Variants in CEP126 observed in about 807,000 individuals in gnomAD.
The protein encoded by CEP126 is centrosomal protein 126.
In CEP126, 74 loss-of-function variants were observed where a neutral mutation model predicts 107.8. The ratio of observed to expected loss-of-function variants is 0.69; its 90% CI spans 0.57 to 0.83. The LOEUF is 0.83. Ranked by LOEUF, CEP126 falls within the 40% of genes least tolerant of loss-of-function variation. CEP126 has a pLI of 0.00. For synonymous variants in CEP126, 449 were observed against 446.0 expected, an observed-to-expected ratio of 1.01 and a Z score of -0.08; for missense variants, 1,237 against 1,281.9, an observed-to-expected ratio of 0.96 and a Z score of 0.53.
intron 2 of CEP126, among the ~76,000 whole-genome samples, chr11:101,942,597 A>C (rs1347745349): frequency 1.4e-5 from 2 of 147,748 alleles, no homozygotes; most frequent in Non-Finnish European, 1.5e-5. Flanking sequence ...TTGGCTATTC[A>C]GGGTTCCTTG....
intron 8 of CEP126, among the ~76,000 whole-genome samples, chr11:101,985,038 T>C (rs1195256186): frequency 6.6e-6 from 1 of 152,228 alleles, no homozygotes; most frequent in African/African-American, 2.4e-5. Context: ...TTTTTTACTG[T>C]TAAGTACTTA....
At chr11:101,993,028 T>TA (rs935775089) in intron 10 of CEP126, 186 bp downstream of exon 10, 3 of 325,220 alleles carry the variant, frequency 9.2e-6, no homozygotes, top group Non-Finnish European at 1.3e-5. Context: ...TCCTGTCATT[T>TA]AAAAAAATCC....
In CEP126 at chr11:102,000,684, T is replaced by G. The variant is rs1941497680; in HGVS notation, c.*3041T>G. On this transcript the variant is annotated 3_prime_UTR_variant, in exon 11 of 11. Coordinates refer to ENST00000263468, the MANE Select transcript of CEP126 (RefSeq NM_020802.4). Reference sequence around the variant, plus strand: ...TCCAACCTGAGTGACAGAGCAACACTCTGTCTTAAAAGAAAAAAAAAAAAG... The same window carrying G: ...TCCAACCTGAGTGACAGAGCAACACGCTGTCTTAAAAGAAAAAAAAAAAAG... 1 of 151,138 alleles carries G rather than the reference T, an allele frequency of 6.6e-6. No individual in the cohort carries two copies. Among genetic ancestry groups the G allele is most frequent in the Non-Finnish European group, 1.5e-5 (1 of 67,934 alleles). The allele number at this position is 151,138 out of a possible 1,614,324, so 9.4% of individuals were successfully genotyped here.
intron 2 of CEP126, among the ~76,000 whole-genome samples, chr11:101,941,623 GTC>G (rs1368763619): frequency 6.6e-6 from 1 of 151,986 alleles, no homozygotes; most frequent in East Asian, 1.9e-4. Context: ...AAATATCTGA[GTC>G]TCTGTTTTCA....
At chr11:101,915,437 C>A (rs1296616256) in intron 1 of CEP126, 25 bp downstream of exon 1, 1 of 1,593,916 alleles carries the variant, frequency 6.3e-7, no homozygotes, top group Non-Finnish European at 8.6e-7. Flanking sequence ...CTGTGGCTGC[C>A]AGGGTAGCGA....
chr11:101,925,815 C>T (rs1158501209), intron 2 of CEP126, among the ~76,000 whole-genome samples: 6 of 141,366 alleles, frequency 4.2e-5, no homozygotes, highest in African/African-American at 1.1e-4. Context: ...TCACCATGCC[C>T]GGCTAATTTT....
chr11:101,922,352 A>G (rs1177161802), intron 1 of CEP126, among the ~76,000 whole-genome samples: 1 of 151,642 alleles, frequency 6.6e-6, no homozygotes, highest in Non-Finnish European at 1.5e-5. Flanking sequence ...TTTAGTAGAG[A>G]CGGGGTTTTG....
In CEP126 at chr11:101,996,383, G is replaced by A. The variant is rs116637770; in HGVS notation, c.3310-1216G>A. Among the ~76,000 whole-genome samples, 1,290 of 152,266 alleles carry A rather than the reference G, an allele frequency of 8.5e-3. 19 individuals are homozygous for A. Among genetic ancestry groups the A allele is most frequent in the African/African-American group, 0.03 (1,239 of 41,560 alleles). On this transcript the variant is annotated intron_variant, in intron 10 of 10. Coordinates refer to ENST00000263468, the MANE Select transcript of CEP126 (RefSeq NM_020802.4). ...TCCTTTCTCTGATCCTGACTGGCAC[G>A]CCACAGTAGAGCAGGCTACATTTTT... is the stretch of plus-strand genomic sequence containing the variant.
At position 101,922,635 on chromosome 11, in the gene CEP126, C is replaced by T. The variant is rs1463501289; in HGVS notation, c.129-6C>T. The T allele has an allele frequency of 6.3e-7, 1 of 1,598,144 alleles. No homozygotes were observed. The highest frequency in any genetic ancestry group is 8.6e-7 in the Non-Finnish European group (1 of 1,166,456). On this transcript the variant is annotated splice_polypyrimidine_tract_variant and splice_region_variant and intron_variant, in intron 1 of 10. Coordinates refer to ENST00000263468, the MANE Select transcript of CEP126 (RefSeq NM_020802.4). ...ACCATTGTTCTTAACTTAATGCTAT[C>T]ATTAGAGATATGAAAATCCATCTGG...
chr11:101,926,626 T>C (rs1940416552), intron 2 of CEP126, among the ~76,000 whole-genome samples: 1 of 152,154 alleles, frequency 6.6e-6, no homozygotes, highest in Non-Finnish European at 1.5e-5. Flanking sequence ...GGCAAGAAGA[T>C]GGCTATGGAG....
rs1941500188 is a variant in CEP126 at position 102,000,845 on chromosome 11, A to G, written c.*3202A>G. The G allele has an allele frequency of 6.6e-6, 1 of 152,222 alleles. No individual in the cohort carries two copies. Among genetic ancestry groups the G allele is most frequent in the African/African-American group, 2.4e-5 (1 of 41,450 alleles). 9.4% of individuals were successfully genotyped at this position (152,222 alleles called of 1,614,324 possible). On this transcript the variant is annotated 3_prime_UTR_variant, in exon 11 of 11. Coordinates refer to ENST00000263468, the MANE Select transcript of CEP126 (RefSeq NM_020802.4). ...CTTCATTTTAAAATTGGCATCAGGA[A>G]GGATTACCATGAACTTATTTTAAAT...
chr11:101,958,466 G>A, intron 5 of CEP126, 100 bp downstream of exon 5: 1 of 893,774 alleles, frequency 1.1e-6, no homozygotes, highest in Non-Finnish European at 1.7e-6. Context: ...TACTAGCTGA[G>A]AGCAGGCCAT....
intron 4 of CEP126, chr11:101,956,931 G>A (rs961175997): frequency 2.6e-5 from 9 of 346,622 alleles, no homozygotes; most frequent in Admixed American, 1.2e-4. Context: ...GTTGAGACAC[G>A]ACAACTTTAA....
intron 10 of CEP126, among the ~76,000 whole-genome samples, chr11:101,995,629 A>G (rs939727068): frequency 2.6e-5 from 4 of 152,180 alleles, no homozygotes; most frequent in African/African-American, 4.8e-5. Flanking sequence ...AAAGCCAGTG[A>G]AGTAGTCAGT....
At chr11:101,936,907 A>G (rs1053507834) in intron 2 of CEP126, among the ~76,000 whole-genome samples, 1 of 152,136 alleles carries the variant, frequency 6.6e-6, no homozygotes, top group Admixed American at 6.5e-5. Context: ...TGTTATTTTT[A>G]TAAACTGCTG....
chr11:101,996,732 G>A (rs1941445816), intron 10 of CEP126, among the ~76,000 whole-genome samples: 1 of 152,096 alleles, frequency 6.6e-6, no homozygotes, highest in Non-Finnish European at 1.5e-5. Context: ...GAACTTCCAA[G>A]GACTAAATGA....
intron 4 of CEP126, chr11:101,957,071 A>G (rs1940909361): frequency 7.7e-6 from 2 of 259,096 alleles, no homozygotes; most frequent in African/African-American, 4.6e-5. Context: ...CATACTCTCA[A>G]TGTTCAGGAA....
In CEP126 at chr11:101,915,245, G is replaced by A. The variant is rs763153030; in HGVS notation, c.-40G>A. The A allele has an allele frequency of 6.2e-7, 1 of 1,610,240 alleles. No homozygotes were observed. Among genetic ancestry groups the A allele is most frequent in the Non-Finnish European group, 8.5e-7 (1 of 1,178,286 alleles). Reference sequence around the variant, plus strand: ...AGGAAGCCGGAGCTGCCATGAGGGAGGTTCTGGGGGCGAGCAGACAGGCGG... The same window carrying A: ...AGGAAGCCGGAGCTGCCATGAGGGAAGTTCTGGGGGCGAGCAGACAGGCGG... On this transcript the variant is annotated 5_prime_UTR_variant, in exon 1 of 11. Coordinates refer to ENST00000263468, the MANE Select transcript of CEP126 (RefSeq NM_020802.4).
chr11:101,997,670 C>T lies in CEP126; in HGVS notation c.*27C>T, dbSNP rs761616447. On this transcript the variant is annotated 3_prime_UTR_variant, in exon 11 of 11. Coordinates refer to ENST00000263468, the MANE Select transcript of CEP126 (RefSeq NM_020802.4). Reference sequence around the variant, plus strand: ...TCCAGCAGAATCCGTCTAAGAAGACCTTTCATGTACTTCCCTAGGACTAGA... The same window carrying T: ...TCCAGCAGAATCCGTCTAAGAAGACTTTTCATGTACTTCCCTAGGACTAGA... The T allele has an allele frequency of 1.2e-6, 2 of 1,613,572 alleles. No individual in the cohort carries two copies. The highest frequency in any genetic ancestry group is 1.3e-5 in the African/African-American group (1 of 74,926).
Sources: gnomAD v4.1 joint callset for allele counts (sites outside exome capture counted in the v4.1 genomes callset) on GRCh38, gnomAD v4.1.1 for gene constraint, MANE v1.5 for transcripts, NCBI Gene and HGNC (gene_info 2026-07-23, HGNC 2026-07-21) for gene names.